SLCO1B1: variants seen among roughly 807,000 people sequenced by gnomAD.
SLCO1B1 encodes solute carrier organic anion transporter family member 1B1.
SLCO1B1 carries 81 observed loss-of-function variants against 70.1 expected under a neutral mutation model. The ratio of observed to expected loss-of-function variants is 1.16; its 90% CI spans 0.97 to 1.39. The LOEUF (loss-of-function observed/expected upper bound fraction) is 1.39, where lower values mean the gene tolerates loss of function less well. Among genes scored for constraint, SLCO1B1 ranks in the 40% most tolerant of loss-of-function variants. The pLI is 0.00. For synonymous variants in SLCO1B1, 283 were observed against 271.5 expected, an observed-to-expected ratio of 1.04 and a Z score of -0.42; for missense variants, 895 against 799.6, an observed-to-expected ratio of 1.12 and a Z score of -1.44.
chr12:21,150,011 T>C (rs1194217060), intron 2 of SLCO1B1, among the ~76,000 whole-genome samples: 3 of 151,952 alleles, frequency 2.0e-5, no homozygotes, highest in African/African-American at 7.3e-5. Flanking sequence ...TCGAGCTTGG[T>C]AGGGGGAGGG....
chr12:21,208,369 A>G (rs1312851445), intron 11 of SLCO1B1, among the ~76,000 whole-genome samples: 1 of 152,052 alleles, frequency 6.6e-6, no homozygotes, highest in Non-Finnish European at 1.5e-5. Flanking sequence ...TTCCAGCACC[A>G]TTTACTGAAT....
intron 2 of SLCO1B1, among the ~76,000 whole-genome samples, chr12:21,163,106 A>G (rs986829442): frequency 1.3e-5 from 2 of 152,196 alleles, no homozygotes; most frequent in African/African-American, 4.8e-5. Flanking sequence ...CAAAGAGAGT[A>G]TATACACAAT....
At chr12:21,135,046 T>C (rs1362718689) in intron 1 of SLCO1B1, among the ~76,000 whole-genome samples, 1 of 152,174 alleles carries the variant, frequency 6.6e-6, no homozygotes, top group African/African-American at 2.4e-5. Context: ...TTTGTTCTCA[T>C]TGGTTTCAAA....
intron 2 of SLCO1B1, 25 bp from the exon 3 acceptor site, chr12:21,172,625 C>T (rs759599735): frequency 1.9e-6 from 3 of 1,612,918 alleles, no homozygotes; most frequent in Middle Eastern, 1.7e-4. Context: ...AACCATTTTC[C>T]CCCTTTCCTT....
At position 21,225,310 on chromosome 12, in the gene SLCO1B1, G is replaced by A. The variant is rs182339878; in HGVS notation, c.1865+471G>A. ...GGTCATATGTCAATTAAGAAAAAAC[G>A]GGAAAATATGTTTCTATATTACTCT... On this transcript the variant is annotated intron_variant, in intron 14 of 14. Transcript: ENST00000256958. 1.4e-4 allele frequency among the ~76,000 whole-genome samples: 21 copies of A among 152,044 alleles called. No homozygotes were observed. The East Asian group carries it at 2.5e-3, about 18-fold the overall frequency.
chr12:21,236,254 G>A (rs983233774), intron 14 of SLCO1B1, among the ~76,000 whole-genome samples: 17 of 152,038 alleles, frequency 1.1e-4, no homozygotes, highest in African/African-American at 3.4e-4. Flanking sequence ...ACTCTTTTAG[G>A]GGAAGAACAC....
At chr12:21,211,680 C>T (rs1204760187) in intron 11 of SLCO1B1, among the ~76,000 whole-genome samples, 1 of 151,900 alleles carries the variant, frequency 6.6e-6, no homozygotes, top group African/African-American at 2.4e-5. Context: ...AGCTGTGAAT[C>T]CATCTGGTCC....
intron 2 of SLCO1B1, among the ~76,000 whole-genome samples, chr12:21,161,105 T>A (rs957986829): frequency 5.9e-5 from 9 of 152,278 alleles, no homozygotes; most frequent in African/African-American, 2.2e-4. Flanking sequence ...GTGTGGCAAT[T>A]CCTCAAAGAG....
intron 1 of SLCO1B1, among the ~76,000 whole-genome samples, chr12:21,137,639 G>T (rs546651283): frequency 8.5e-5 from 13 of 152,314 alleles, no homozygotes; most frequent in South Asian, 2.1e-4. Context: ...CTCCAAGCCA[G>T]GTGCAGGATA....
At chr12:21,169,823 A>T (rs1311042364) in intron 2 of SLCO1B1, among the ~76,000 whole-genome samples, 1 of 151,974 alleles carries the variant, frequency 6.6e-6, no homozygotes, top group Non-Finnish European at 1.5e-5. Context: ...AGATTTTAAC[A>T]TTTAAAAAAT....
intron 14 of SLCO1B1, among the ~76,000 whole-genome samples, chr12:21,235,479 C>CG (rs1941588415): frequency 7.4e-6 from 1 of 134,482 alleles, no homozygotes. Flanking sequence ...AGAAGGTTGC[C>CG]TTTTTTTTTT....
intron 11 of SLCO1B1, among the ~76,000 whole-genome samples, chr12:21,216,432 T>G (rs1348448528): frequency 6.6e-6 from 1 of 152,178 alleles, no homozygotes; most frequent in African/African-American, 2.4e-5. Flanking sequence ...CAGAATTTAT[T>G]AAAGCCACCT....
rs532971076 is a variant in SLCO1B1, at chr12:21,226,891, T to TA, written c.1865+2060dup. On this transcript the variant is annotated intron_variant, in intron 14 of 14. Coordinates refer to ENST00000256958, the MANE Select transcript of SLCO1B1 (RefSeq NM_006446.5). The stretch of plus-strand genomic sequence containing the variant: ...AATTTCTGTAAAAAGTATGTTCTAT[T>TA]AAAAAAAATCAAGTATCTCCCAAAG... Among the ~76,000 whole-genome samples the TA allele has an allele frequency of 2.3e-3, 349 of 151,960 alleles. 5 individuals are homozygous for TA. The South Asian group carries it at 0.028, about 12-fold the overall frequency.
At position 21,174,677 on chromosome 12, in the gene SLCO1B1, T is replaced by G. The variant is rs776728268; in HGVS notation, c.327T>G (p.Val109=). The change falls in exon 4 of 15, where the codon GTT becomes GTG. Residue 109 remains valine (V), a synonymous_variant. Coordinates refer to ENST00000256958, the MANE Select transcript of SLCO1B1 (RefSeq NM_006446.5). ...IGCFIMGIGG[V]LTALPHFFMG... ...GTTTCATTATGGGAATTGGAGGTGTTTTGACTGCTTTGCCACATTTCTTCA... is the reference window on the plus strand; with the variant it reads ...GTTTCATTATGGGAATTGGAGGTGTGTTGACTGCTTTGCCACATTTCTTCA... 6 of 1,613,272 alleles carry G rather than the reference T, an allele frequency of 3.7e-6. No homozygotes were observed. The South Asian group carries it at 4.4e-5, about 12-fold the overall frequency.
chr12:21,239,616 G>C lies in SLCO1B1; in HGVS notation c.*427G>C, dbSNP rs886049147. Among the ~76,000 whole-genome samples the C allele has an allele frequency of 6.6e-6, 1 of 152,138 alleles. No homozygotes were observed. Among genetic ancestry groups the C allele is most frequent in the Non-Finnish European group, 1.5e-5 (1 of 68,006 alleles). On this transcript the variant is annotated 3_prime_UTR_variant, in exon 15 of 15. Transcript: ENST00000256958. The stretch of plus-strand genomic sequence containing the variant: ...TATTAAACAAACAAACACAGAGTTT[G>C]AACTATAATACTAAGGCCTGAAGTC...
rs193278832 is a variant in SLCO1B1, at chr12:21,190,469, C to T, written c.728-6477C>T. Reference sequence around the variant, plus strand: ...AGGATGGACCAGGCATCCTCAACTCCACTGTTCTCCCAACCACCTGGCTTC... The same window carrying T: ...AGGATGGACCAGGCATCCTCAACTCTACTGTTCTCCCAACCACCTGGCTTC... On this transcript the variant is annotated intron_variant, in intron 7 of 14. Coordinates refer to ENST00000256958, the MANE Select transcript of SLCO1B1 (RefSeq NM_006446.5). Among the ~76,000 whole-genome samples, 21 of 152,230 alleles carry T rather than the reference C, an allele frequency of 1.4e-4. No individual in the cohort carries two copies. The East Asian group carries it at 2.1e-3, about 15-fold the overall frequency.
At chr12:21,141,708 T>C in intron 2 of SLCO1B1, 50 bp downstream of exon 2, 2 of 1,156,396 alleles carry the variant, frequency 1.7e-6, no homozygotes, top group Non-Finnish European at 2.6e-6. Context: ...TAGGGAACTT[T>C]AATGTATAGA....
At chr12:21,213,607 G>T (rs1286419096) in intron 11 of SLCO1B1, among the ~76,000 whole-genome samples, 1 of 134,802 alleles carries the variant, frequency 7.4e-6, no homozygotes, top group African/African-American at 2.8e-5. Flanking sequence ...TCTGAACGTT[G>T]GCCTGCCTTG....
chr12:21,214,664 C>T (rs1388003724), intron 11 of SLCO1B1, among the ~76,000 whole-genome samples: 2 of 151,678 alleles, frequency 1.3e-5, no homozygotes, highest in East Asian at 2.0e-4. Flanking sequence ...CCCCCAGCCT[C>T]GCTGCCGCCT....
Sources: allele counts gnomAD v4.1 joint callset (sites outside exome capture counted in the v4.1 genomes callset), GRCh38; gene constraint gnomAD v4.1.1; transcripts MANE v1.5; gene names NCBI Gene and HGNC (gene_info 2026-07-23, HGNC 2026-07-21).